CHRM3: variants seen among roughly 807,000 people sequenced by gnomAD.
CHRM3 encodes the protein cholinergic receptor muscarinic 3, also known as muscarinic acetylcholine receptor M3.
In CHRM3, 11 loss-of-function variants were observed where a neutral mutation model predicts 41.8. That is an observed-to-expected ratio of 0.26 (90% confidence interval 0.17 to 0.44). CHRM3 has a LOEUF of 0.44. CHRM3 is among the 20% of genes least tolerant of loss of function. The probability of loss-of-function intolerance (pLI) is 1.00; values close to 1 mark genes in which losing one functional copy is unlikely to be tolerated. For synonymous variants in CHRM3, 297 were observed against 301.4 expected, an observed-to-expected ratio of 0.99 and a Z score of 0.15; for missense variants, 571 against 745.4, an observed-to-expected ratio of 0.77 and a Z score of 2.72.
chr1:239,718,626 A>G (rs891700), intron 5 of CHRM3, among the ~76,000 whole-genome samples: 76,915 of 151,478 alleles, frequency 0.51, 19,747 homozygotes, highest in Admixed American at 0.56. Context: ...TTTGAAGCCT[A>G]CTTGCATAGT....
intron 4 of CHRM3, among the ~76,000 whole-genome samples, chr1:239,643,056 A>G (rs1274813809): frequency 1.3e-5 from 2 of 152,184 alleles, no homozygotes; most frequent in East Asian, 1.9e-4. Context: ...CCTGGGTATC[A>G]GCAGCAGTGT....
At chr1:239,602,020 A>G (rs1572871448) in intron 3 of CHRM3, among the ~76,000 whole-genome samples, 1 of 151,030 alleles carries the variant, frequency 6.6e-6, no homozygotes, top group Non-Finnish European at 1.5e-5. Flanking sequence ...CTTTAAAATT[A>G]TATCTATATA....
intron 3 of CHRM3, among the ~76,000 whole-genome samples, chr1:239,611,445 G>A (rs966600004): frequency 1.9e-4 from 23 of 118,536 alleles, no homozygotes; most frequent in Non-Finnish European, 2.3e-4. Context: ...TTTTTGAGAC[G>A]GAGTCTCACT....
At chr1:239,578,078 A>G (rs988815526) in intron 3 of CHRM3, among the ~76,000 whole-genome samples, 4 of 152,198 alleles carry the variant, frequency 2.6e-5, no homozygotes, top group African/African-American at 9.6e-5. Context: ...TTCAGTGCCT[A>G]TAATGGACCA....
intron 4 of CHRM3, among the ~76,000 whole-genome samples, chr1:239,632,866 G>A (rs371506080): frequency 3.9e-5 from 6 of 152,150 alleles, no homozygotes; most frequent in African/African-American, 1.4e-4. Context: ...CCTGAGACTG[G>A]GTAATTTATA....
intron 3 of CHRM3, among the ~76,000 whole-genome samples, chr1:239,622,569 C>A (rs771356070): frequency 6.6e-6 from 1 of 152,044 alleles, no homozygotes; most frequent in African/African-American, 2.4e-5. Context: ...AGAATAAATA[C>A]CATTGTGGTA....
chr1:239,864,380 G>A (rs12061068), intron 6 of CHRM3, among the ~76,000 whole-genome samples: 14,771 of 151,972 alleles, frequency 0.097, 1,149 homozygotes, highest in African/African-American at 0.21. Flanking sequence ...GGTGGCACAC[G>A]CCTGTAATCC....
chr1:239,714,267 A>C (rs1051688256), intron 5 of CHRM3: 1 of 152,212 alleles, frequency 6.6e-6, no homozygotes, highest in African/African-American at 2.4e-5. Flanking sequence ...CTCGTCATCT[A>C]AAGAGAGAAA....
intron 1 of CHRM3, among the ~76,000 whole-genome samples, chr1:239,403,573 T>C (rs1393171809): frequency 6.6e-6 from 1 of 152,130 alleles, no homozygotes; most frequent in African/African-American, 2.4e-5. Context: ...CCCTCACATT[T>C]TGAGAGGGGT....
intron 2 of CHRM3, among the ~76,000 whole-genome samples, chr1:239,519,171 ATTTAG>A (rs935136389): frequency 1.3e-5 from 2 of 152,166 alleles, no homozygotes; most frequent in African/African-American, 4.8e-5. Context: ...GTTTACATAA[ATTTAG>A]TTTAAGGGTA....
At chr1:239,693,607 A>G (rs1659916421) in intron 5 of CHRM3, among the ~76,000 whole-genome samples, 4 of 152,314 alleles carry the variant, frequency 2.6e-5, no homozygotes, top group Middle Eastern at 3.4e-3. Context: ...ATTATTTTTG[A>G]ATTGGTTTAA....
At chr1:239,895,910 C>T (rs760403908) in intron 6 of CHRM3, among the ~76,000 whole-genome samples, 13 of 152,140 alleles carry the variant, frequency 8.5e-5, no homozygotes, top group Non-Finnish European at 1.3e-4. Flanking sequence ...GTAAACCAAA[C>T]CCCCACAACA....
chr1:239,823,765 C>G (rs1013639134), intron 5 of CHRM3, among the ~76,000 whole-genome samples: 1 of 151,786 alleles, frequency 6.6e-6, no homozygotes, highest in Non-Finnish European at 1.5e-5. Context: ...AACAGAAGAC[C>G]CTTTTGTGGT....
intron 3 of CHRM3, among the ~76,000 whole-genome samples, chr1:239,612,979 A>G (rs970189330): frequency 6.6e-6 from 1 of 152,232 alleles, no homozygotes; most frequent in African/African-American, 2.4e-5. Context: ...TAAGAATTTC[A>G]TGAGGTAATT....
At chr1:239,800,549 C>T (rs1240645566) in intron 5 of CHRM3, among the ~76,000 whole-genome samples, 2 of 152,194 alleles carry the variant, frequency 1.3e-5, no homozygotes, top group Non-Finnish European at 2.9e-5. Context: ...GATTCAATCA[C>T]CCAGAACAGT....
intron 1 of CHRM3, among the ~76,000 whole-genome samples, chr1:239,418,321 T>G (rs2103083857): frequency 6.6e-6 from 1 of 151,356 alleles, no homozygotes; most frequent in Non-Finnish European, 1.5e-5. Flanking sequence ...TTAGCAGTGC[T>G]TAGATGTTGC....
At chr1:239,467,536 G>A (rs748236803) in intron 1 of CHRM3, among the ~76,000 whole-genome samples, 3 of 152,134 alleles carry the variant, frequency 2.0e-5, no homozygotes, top group African/African-American at 4.8e-5. Context: ...TCCTCACCTC[G>A]TGATCCGCCT....
chr1:239,658,969 C>G (rs1672958010), intron 4 of CHRM3, among the ~76,000 whole-genome samples: 1 of 152,110 alleles, frequency 6.6e-6, no homozygotes, highest in Admixed American at 6.5e-5. Context: ...AACTCTTGAC[C>G]TCAAGTGATC....
At chr1:239,523,434 A>C (rs1174932942) in intron 2 of CHRM3, among the ~76,000 whole-genome samples, 2 of 152,154 alleles carry the variant, frequency 1.3e-5, no homozygotes, top group African/African-American at 4.8e-5. Context: ...CTCAGCAGTG[A>C]TTTTTTACAA....
Sources: gnomAD v4.1 joint callset for allele counts (sites outside exome capture counted in the v4.1 genomes callset) on GRCh38, gnomAD v4.1.1 for gene constraint, MANE v1.5 for transcripts, NCBI Gene and HGNC (gene_info 2026-07-23, HGNC 2026-07-21) for gene names.